BEND3: variants seen among roughly 807,000 people sequenced by gnomAD.
BEND3 encodes the protein BEN domain-containing protein 3.
A neutral mutation model predicts 60.1 loss-of-function variants in BEND3; 13 were observed. The observed-to-expected ratio is 0.22, with a 90% CI of 0.14 to 0.34. The LOEUF is 0.34. BEND3 is among the 10% of genes least tolerant of loss of function. The pLI is 1.00. For missense variants in BEND3, 896 were observed against 1,138.1 expected (o/e 0.79, Z 3.06); for synonymous variants, 497 against 491.5 (o/e 1.01, Z -0.15).
chr6:107,114,679 G>A (rs1770221860), intron 1 of BEND3, among the ~76,000 whole-genome samples: 1 of 136,954 alleles, frequency 7.3e-6, no homozygotes, highest in Non-Finnish European at 1.6e-5. Flanking sequence ...GGCCGCCCCG[G>A]CCGCTCCATC....
intron 3 of BEND3, among the ~76,000 whole-genome samples, chr6:107,088,900 A>C (rs1775411749): frequency 6.6e-6 from 1 of 152,182 alleles, no homozygotes; most frequent in Admixed American, 6.5e-5. Flanking sequence ...CACACCTATA[A>C]TCTTACCACT....
At chr6:107,104,579 T>C (rs1465119562) in intron 1 of BEND3, among the ~76,000 whole-genome samples, 1 of 152,036 alleles carries the variant, frequency 6.6e-6, no homozygotes, top group African/African-American at 2.4e-5. Flanking sequence ...TTAAATCACC[T>C]CCAGATTACT....
intron 1 of BEND3, among the ~76,000 whole-genome samples, chr6:107,107,654 G>C (rs1366437390): frequency 6.6e-6 from 1 of 151,970 alleles, no homozygotes; most frequent in Admixed American, 6.6e-5. Context: ...GTAGAGACGG[G>C]GTTTTACCAT....
chr6:107,092,738 C>CA (rs1554235423), intron 3 of BEND3, among the ~76,000 whole-genome samples: 1 of 151,870 alleles, frequency 6.6e-6, no homozygotes, highest in African/African-American at 2.4e-5. Flanking sequence ...CAAAAGAATC[C>CA]AAAAAACAAC....
At position 107,100,303 on chromosome 6, in the gene BEND3, C is replaced by T. The variant is rs186472729; in HGVS notation, c.-11-1007G>A. Among the ~76,000 whole-genome samples, 4 of 152,222 alleles carry T rather than the reference C, an allele frequency of 2.6e-5. No homozygotes were observed. In the East Asian group the frequency reaches 7.7e-4, roughly 29 times the overall value. On this transcript the variant is annotated intron_variant, in intron 1 of 3. Coordinates refer to ENST00000369042, the MANE Select transcript of BEND3 (RefSeq NM_001367314.1). ...TTGTCACCAGGCTGGAGTGCAGTGG[C>T]GCAATCTTGGCTCACTGCAACCTCC...
intron 3 of BEND3, among the ~76,000 whole-genome samples, chr6:107,089,653 G>T (rs1280298588): frequency 6.7e-6 from 1 of 149,158 alleles, no homozygotes; most frequent in Non-Finnish European, 1.5e-5. Context: ...AAAGCGCAAG[G>T]GCATGATCTT....
chr6:107,114,861 ATGGGCGCGGCGAGCCCG>A (rs1424894872), intron 1 of BEND3, among the ~76,000 whole-genome samples: 1 of 148,376 alleles, frequency 6.7e-6, no homozygotes, highest in African/African-American at 2.4e-5. Context: ...GCGCAGCACA[ATGGGCGCGGCGAGCCCG>A]TGGGCGCCCG....
At chr6:107,074,806 C>T (rs1017589450) in intron 3 of BEND3, among the ~76,000 whole-genome samples, 3 of 151,844 alleles carry the variant, frequency 2.0e-5, no homozygotes, top group African/African-American at 7.3e-5. Context: ...TTTGGTGGAT[C>T]GTGAAGAGGG....
chr6:107,068,867 G>T lies in BEND3; in HGVS notation c.2324C>A (p.Thr775Lys), dbSNP rs200895711. The part of the protein sequence containing the change: ...GACNKKQLDP[T>K]RLRLIRHYVE... The stretch of plus-strand genomic sequence containing the variant: ...GTAGTGGCGGATGAGCCGCAGCCGC[G>T]TGGGGTCCAGTTGCTTCTTGTTGCA... Residue 775 changes from threonine (T) to lysine (K), a missense_variant, in exon 4 of 4, where the codon ACG becomes AAG. Thr to Lys is a moderately conservative substitution (Grantham distance 78). This residue lies in a region of BEND3 where 29 missense variants were observed against 51.9 expected (regional missense o/e 0.56). Coordinates refer to ENST00000369042, the MANE Select transcript of BEND3 (RefSeq NM_001367314.1). This position sits in a 1 kb window ranked among gnomAD's most constrained non-coding sequence, Gnocchi z 5.8. 1 of 1,614,022 alleles carries T rather than the reference G, an allele frequency of 6.2e-7. No individual in the cohort carries two copies. The highest frequency in any genetic ancestry group is 2.2e-5 in the East Asian group (1 of 44,866).
In BEND3 at chr6:107,069,780, G is replaced by C. The variant is rs782052549; in HGVS notation, c.1411C>G (p.Gln471Glu). The C allele has an allele frequency of 6.2e-7, 1 of 1,613,050 alleles. No homozygotes were observed. Among genetic ancestry groups the C allele is most frequent in the Non-Finnish European group, 8.5e-7 (1 of 1,180,008 alleles). Residue 471 changes from glutamine to glutamate, a missense_variant, in exon 4 of 4, where the codon CAG (glutamine) becomes GAG (glutamate). By Grantham distance (29) the Gln-to-Glu change is conservative. Around this residue, in one of 4 missense-constraint regions of BEND3, gnomAD observed 846 missense variants for 1,036.7 expected, o/e 0.82. Coordinates refer to ENST00000369042, the MANE Select transcript of BEND3 (RefSeq NM_001367314.1). ...DMQEEEAWLQ[Q>E]CAQRINDELE... ...TCGTCGTTGATGCGCTGGGCACACT[G>C]CTGCAGCCAGGCCTCCTCCTCCTGC...
At position 107,069,476 on chromosome 6, in the gene BEND3, T is replaced by C; in HGVS notation, c.1715A>G (p.Asn572Ser). The change falls in exon 4 of 4, where the codon AAC becomes AGC. Residue 572 changes from asparagine (N) to serine (S), a missense_variant. Around this residue, in one of 4 missense-constraint regions of BEND3, gnomAD observed 846 missense variants for 1,036.7 expected, o/e 0.82. Transcript: ENST00000369042. ...SIYESSLSIG[N>S]FASRLLVHLF... ...GTGCACCAGCAGGCGCGAGGCGAAGTTGCCGATGGACAGGCTGCTCTCGTA... is the reference window on the plus strand; with the variant it reads ...GTGCACCAGCAGGCGCGAGGCGAAGCTGCCGATGGACAGGCTGCTCTCGTA... The C allele has an allele frequency of 6.2e-7, 1 of 1,612,930 alleles. No individual in the cohort carries two copies. The highest frequency in any genetic ancestry group is 8.5e-7 in the Non-Finnish European group (1 of 1,180,010).
rs1272063190 is a variant in BEND3 at position 107,115,491 on chromosome 6, G to A, written c.-413C>T. Among the ~76,000 whole-genome samples, 6 of 147,016 alleles carry A rather than the reference G, an allele frequency of 4.1e-5. No homozygotes were observed. The highest frequency in any genetic ancestry group is 1.3e-4 in the Admixed American group (2 of 14,822). ...GGCGCGCACTCCCGGGACCCAGGCG[G>A]CCCGGCGCGCTCGGCCAGCGCAGTG... On this transcript the variant is annotated 5_prime_UTR_variant, in exon 1 of 4. Transcript: ENST00000369042.
At chr6:107,093,472 A>AC (rs1775519417) in intron 3 of BEND3, among the ~76,000 whole-genome samples, 1 of 152,116 alleles carries the variant, frequency 6.6e-6, no homozygotes, top group Admixed American at 6.5e-5. Flanking sequence ...AAAAAAAAAA[A>AC]AAGAAAAGAA....
chr6:107,075,112 GCCA>G (rs1554232607), intron 3 of BEND3, among the ~76,000 whole-genome samples: 2 of 151,742 alleles, frequency 1.3e-5, no homozygotes, highest in Non-Finnish European at 2.9e-5. Context: ...GGAAGGATTA[GCCA>G]CTAGGGAGGC....
rs1421698959 is a variant in BEND3 at position 107,067,113 on chromosome 6, C to T, written c.*1591G>A. The T allele has an allele frequency of 6.6e-6, 1 of 152,176 alleles. No homozygotes were observed. Among genetic ancestry groups the T allele is most frequent in the Non-Finnish European group, 1.5e-5 (1 of 68,046 alleles). The allele number at this position is 152,176 out of a possible 1,614,324, so 9.4% of individuals were successfully genotyped here. ...TTAAAATCCTGTATTTTAAAAAATGCTCCTGGGTACAGGCAAAATTATGTC... is the reference window on the plus strand; with the variant it reads ...TTAAAATCCTGTATTTTAAAAAATGTTCCTGGGTACAGGCAAAATTATGTC... On this transcript the variant is annotated 3_prime_UTR_variant, in exon 4 of 4. Transcript: ENST00000369042.
At position 107,098,784 on chromosome 6, in the gene BEND3, GA is replaced by G. The variant is rs1441252171; in HGVS notation, c.38-32del. 8.2e-6 allele frequency: 13 copies of G among 1,592,586 alleles called. No individual in the cohort carries two copies. The East Asian group carries it at 2.5e-4, about 30-fold the overall frequency. The stretch of plus-strand genomic sequence containing the variant: ...TCAGAGAAGAAATAGGGCTCAGTGG[GA>G]AAAACCAGGGCTGCTCAGAGATCAG... On this transcript the variant is annotated intron_variant, in intron 2 of 3. Transcript: ENST00000369042.
chr6:107,079,790 T>A (rs1775185179), intron 3 of BEND3, among the ~76,000 whole-genome samples: 1 of 152,218 alleles, frequency 6.6e-6, no homozygotes, highest in Admixed American at 6.5e-5. Flanking sequence ...CTCAGCTGCC[T>A]GGTTGAGGTA....
chr6:107,070,129 G>A lies in BEND3; in HGVS notation c.1062C>T (p.Val354=), dbSNP rs183083011. 84 of 1,613,146 alleles carry A rather than the reference G, an allele frequency of 5.2e-5. No homozygotes were observed. The highest frequency in any genetic ancestry group is 1.2e-4 in the African/African-American group (9 of 75,046). ...CCTGCTCTGCCTCAAAGAAGCTGGC[G>A]ACCTGGCCGCTGGGCTGGCTGTCCT... is the stretch of plus-strand genomic sequence containing the variant. ...EMEDSQPSGQ[V]ASFFEAEQVD... The change falls in exon 4 of 4, where the codon GTC becomes GTT. Residue 354 remains valine (V), a synonymous_variant. Transcript: ENST00000369042. The surrounding 1 kb of genome is among the most constrained non-coding windows in gnomAD (Gnocchi z 6.9).
In BEND3 at chr6:107,068,558, G is replaced by A. The variant is rs910658986; in HGVS notation, c.*146C>T. 2.0e-5 allele frequency: 17 copies of A among 848,710 alleles called. No homozygotes were observed. Among genetic ancestry groups the A allele is most frequent in the East Asian group, 7.9e-5 (3 of 37,790 alleles). 52.6% of individuals were successfully genotyped at this position (848,710 alleles called of 1,614,324 possible). On this transcript the variant is annotated 3_prime_UTR_variant, in exon 4 of 4. Transcript: ENST00000369042. The surrounding 1 kb of genome is among the most constrained non-coding windows in gnomAD (Gnocchi z 5.8). ...TTCTTGCGGTTGGGTGGGTGTTTAC[G>A]TGTGCAAATGTAGTAAGCCACTCCC...
Sources: gnomAD v4.1 joint callset for allele counts (sites outside exome capture counted in the v4.1 genomes callset) on GRCh38, gnomAD v4.1.1 for gene constraint, gnomAD v4.1.1 regional missense constraint, Gnocchi (gnomAD v3.1) non-coding constraint, MANE v1.5 for transcripts, NCBI Gene and HGNC (gene_info 2026-07-23, HGNC 2026-07-21) for gene names.